Variants in ADGRL2 observed in about 807,000 individuals in gnomAD.
ADGRL2 encodes the protein adhesion G protein-coupled receptor L2, also known as calcium-independent alpha-latrotoxin receptor 2.
ADGRL2 carries 44 observed loss-of-function variants against 157.4 expected under a neutral mutation model. The observed-to-expected ratio is 0.28, with a 90% CI of 0.22 to 0.36. ADGRL2 has a LOEUF of 0.36. Ranked by LOEUF, ADGRL2 falls within the 10% of genes least tolerant of loss-of-function variation. ADGRL2 has a pLI of 1.00. For missense variants in ADGRL2, 1,510 were observed against 1,768.9 expected (o/e 0.85, Z 2.63); for synonymous variants, 585 against 624.7 (o/e 0.94, Z 0.95).
At chr1:81,577,410 T>A (rs542789154) in intron 2 of ADGRL2, among the ~76,000 whole-genome samples, 1 of 152,322 alleles carries the variant, frequency 6.6e-6, no homozygotes, top group South Asian at 2.1e-4. Flanking sequence ...TCTCTGTGTG[T>A]GCATTGTCTC....
At chr1:81,322,109 T>TATATATATATATATATATATATAC (rs71592379) in intron 1 of ADGRL2, among the ~76,000 whole-genome samples, 3 of 129,848 alleles carry the variant, frequency 2.3e-5, no homozygotes, top group African/African-American at 8.6e-5. Flanking sequence ...TATATATATA[T>TATATATATATATATATATATATAC]ACACATATAT....
At chr1:81,599,202 C>T (rs2081291616) in intron 3 of ADGRL2, among the ~76,000 whole-genome samples, 1 of 152,192 alleles carries the variant, frequency 6.6e-6, no homozygotes, top group South Asian at 2.1e-4. Context: ...TCTGTCCTCA[C>T]CACACCCCAA....
At chr1:81,395,430 A>G (rs952801008) in intron 1 of ADGRL2, among the ~76,000 whole-genome samples, 2 of 152,128 alleles carry the variant, frequency 1.3e-5, no homozygotes, top group Non-Finnish European at 2.9e-5. Flanking sequence ...AGATCCTTGC[A>G]TATTCTGGTT....
chr1:81,643,134 TA>T (rs2082252441), intron 3 of ADGRL2, among the ~76,000 whole-genome samples: 1 of 151,952 alleles, frequency 6.6e-6, no homozygotes, highest in Non-Finnish European at 1.5e-5. Flanking sequence ...AAGGAAGAAA[TA>T]AAGCTGTCTT....
At chr1:81,775,958 A>C (rs185032185) in intron 2 of ADGRL2, among the ~76,000 whole-genome samples, 42 of 152,302 alleles carry the variant, frequency 2.8e-4, no homozygotes, top group Admixed American at 1.8e-3. Flanking sequence ...ATACGAACTA[A>C]CTACCTAGTC....
At chr1:81,550,795 C>T (rs2148384147) in intron 2 of ADGRL2, among the ~76,000 whole-genome samples, 1 of 149,846 alleles carries the variant, frequency 6.7e-6, no homozygotes, top group Middle Eastern at 3.6e-3. Flanking sequence ...GAGGTGGGAG[C>T]ATATATGCTT....
At chr1:81,351,453 T>C (rs1279947389) in intron 1 of ADGRL2, among the ~76,000 whole-genome samples, 1 of 152,112 alleles carries the variant, frequency 6.6e-6, no homozygotes, top group Non-Finnish European at 1.5e-5. Flanking sequence ...ATCTCTTACA[T>C]GTATTATGAC....
intron 3 of ADGRL2, among the ~76,000 whole-genome samples, chr1:81,667,449 A>T (rs1022275647): frequency 2.0e-5 from 3 of 152,252 alleles, no homozygotes; most frequent in African/African-American, 7.2e-5. Flanking sequence ...GAGGCATAAA[A>T]TGAACATTTT....
intron 3 of ADGRL2, among the ~76,000 whole-genome samples, chr1:81,650,449 G>T (rs567663708): frequency 6.6e-6 from 1 of 151,018 alleles, no homozygotes; most frequent in Non-Finnish European, 1.5e-5. Flanking sequence ...GGTGGCACAC[G>T]CCCATAATTC....
intron 2 of ADGRL2, among the ~76,000 whole-genome samples, chr1:81,578,854 C>A (rs1452971346): frequency 6.6e-6 from 1 of 152,066 alleles, no homozygotes; most frequent in East Asian, 1.9e-4. Flanking sequence ...GAAGCACAAG[C>A]ATAATTTGGT....
intron 1 of ADGRL2, among the ~76,000 whole-genome samples, chr1:81,712,208 G>T (rs2083954546): frequency 6.6e-6 from 1 of 152,174 alleles, no homozygotes; most frequent in Non-Finnish European, 1.5e-5. Context: ...TAAAGGTTGA[G>T]TTACTATGGG....
At chr1:81,982,544 G>A (rs558265797) in intron 19 of ADGRL2, among the ~76,000 whole-genome samples, 11 of 151,998 alleles carry the variant, frequency 7.2e-5, no homozygotes, top group Admixed American at 5.3e-4. Context: ...AAACCTAAGG[G>A]AATTGCTTAG....
At chr1:81,410,045 G>T (rs1165569803) in intron 1 of ADGRL2, among the ~76,000 whole-genome samples, 1 of 152,172 alleles carries the variant, frequency 6.6e-6, no homozygotes, top group African/African-American at 2.4e-5. Flanking sequence ...ATATCAGCAC[G>T]TTCCAAAGCT....
chr1:81,679,095 G>A (rs1404652071), intron 3 of ADGRL2, among the ~76,000 whole-genome samples: 1 of 152,172 alleles, frequency 6.6e-6, no homozygotes, highest in Non-Finnish European at 1.5e-5. Flanking sequence ...GAAAGTAGGT[G>A]GACCTCGAAA....
intron 1 of ADGRL2, among the ~76,000 whole-genome samples, chr1:81,327,188 C>T (rs1660962523): frequency 6.6e-6 from 1 of 152,054 alleles, no homozygotes; most frequent in Non-Finnish European, 1.5e-5. Flanking sequence ...ATACATAATG[C>T]TCCATGTGAT....
chr1:81,463,162 T>C (rs1235946379), intron 2 of ADGRL2, among the ~76,000 whole-genome samples: 2 of 150,442 alleles, frequency 1.3e-5, no homozygotes, highest in Non-Finnish European at 3.0e-5. Context: ...ACAAGTTGTG[T>C]AAACTTTGTA....
At chr1:81,349,788 A>G (rs1662749220) in intron 1 of ADGRL2, among the ~76,000 whole-genome samples, 2 of 151,880 alleles carry the variant, frequency 1.3e-5, no homozygotes, top group Non-Finnish European at 2.9e-5. Context: ...ATCAGACCAC[A>G]TATTTATCTA....
intron 1 of ADGRL2, among the ~76,000 whole-genome samples, chr1:81,811,266 T>A (rs2149666966): frequency 6.6e-6 from 1 of 151,982 alleles, no homozygotes; most frequent in South Asian, 2.1e-4. Flanking sequence ...TAGCATATCT[T>A]ATAATTTTCC....
At chr1:81,690,676 A>C (rs996157341) in intron 3 of ADGRL2, among the ~76,000 whole-genome samples, 4 of 152,272 alleles carry the variant, frequency 2.6e-5, no homozygotes, top group Admixed American at 2.0e-4. Flanking sequence ...AGGATTGGCC[A>C]CCTGCCTTAC....
Sources: allele counts gnomAD v4.1 joint callset (sites outside exome capture counted in the v4.1 genomes callset), GRCh38; gene constraint gnomAD v4.1.1; transcripts MANE v1.5; gene names NCBI Gene and HGNC (gene_info 2026-07-23, HGNC 2026-07-21).